The following CMIP variants were observed in gnomAD, a reference collection of about 807,000 sequenced individuals.
CMIP encodes the protein c-Maf inducing protein, also known as C-Maf-inducing protein.
CMIP carries 13 observed loss-of-function variants against 97.3 expected under a neutral mutation model. The ratio of observed to expected loss-of-function variants is 0.13; its 90% CI spans 0.09 to 0.21. CMIP has a LOEUF of 0.21. Ranked by LOEUF, CMIP falls within the 10% of genes least tolerant of loss-of-function variation. The pLI, the probability that CMIP is intolerant of heterozygous loss-of-function variation, is 1.00. For synonymous variants in CMIP, 538 were observed against 436.3 expected (o/e 1.23, Z -2.91); for missense variants, 847 against 1,024.9 (o/e 0.83, Z 2.37).
At chr16:81,557,378 G>C (rs2090786129) in intron 1 of CMIP, among the ~76,000 whole-genome samples, 1 of 152,024 alleles carries the variant, frequency 6.6e-6, no homozygotes, top group African/African-American at 2.4e-5. Context: ...CATGTTGGTT[G>C]AATTCACTTA....
intron 1 of CMIP, chr16:81,464,725 T>TC (rs1907098416): frequency 6.6e-6 from 1 of 152,272 alleles, no homozygotes; most frequent in African/African-American, 2.4e-5. Context: ...TCTCTCCTCG[T>TC]CCCAGCCCCT....
intron 14 of CMIP, 141 bp downstream of exon 14, chr16:81,696,808 GTGGTGGTGGTGGTGA>G: frequency 1.5e-6 from 1 of 679,780 alleles, no homozygotes; most frequent in Non-Finnish European, 2.4e-6. Context: ...GAAGGTGGTG[GTGGTGGTGGTGGTGA>G]TGGTGACCGT....
chr16:81,452,792 G>A (rs1390809593), intron 1 of CMIP, among the ~76,000 whole-genome samples: 2 of 151,706 alleles, frequency 1.3e-5, no homozygotes, highest in South Asian at 2.1e-4. Context: ...TAGAATGTGC[G>A]AGGTGATGGA....
intron 1 of CMIP, among the ~76,000 whole-genome samples, chr16:81,604,728 T>G (rs2091714443): frequency 6.6e-6 from 1 of 152,068 alleles, no homozygotes; most frequent in African/African-American, 2.4e-5. Flanking sequence ...AAACAGTATG[T>G]ATTTATTTAT....
intron 1 of CMIP, among the ~76,000 whole-genome samples, chr16:81,582,444 T>A (rs2091311570): frequency 6.6e-6 from 1 of 152,114 alleles, no homozygotes; most frequent in African/African-American, 2.4e-5. Flanking sequence ...CTCAAAGGCC[T>A]CCCCTAAAGG....
At chr16:81,682,924 G>C (rs867611781) in intron 10 of CMIP, among the ~76,000 whole-genome samples, 48 of 152,380 alleles carry the variant, frequency 3.2e-4, no homozygotes, top group African/African-American at 1.1e-3. Context: ...AGGCGCAGGA[G>C]GGGTGAGGTG....
intron 1 of CMIP, among the ~76,000 whole-genome samples, chr16:81,540,679 TGTG>T (rs1180118965): frequency 6.9e-6 from 1 of 145,212 alleles, no homozygotes; most frequent in African/African-American, 2.5e-5. Flanking sequence ...TGTGTGTGTG[TGTG>T]TGTTTGTTTT....
intron 1 of CMIP, chr16:81,520,147 A>T (rs1395151554): frequency 1.3e-5 from 2 of 152,262 alleles, no homozygotes; most frequent in Non-Finnish European, 2.9e-5. Flanking sequence ...CTGCCCAGGT[A>T]GTCAAGAAGC....
chr16:81,477,523 C>T (rs1197460116), intron 1 of CMIP, among the ~76,000 whole-genome samples: 5 of 152,238 alleles, frequency 3.3e-5, no homozygotes, highest in Non-Finnish European at 4.4e-5. Flanking sequence ...CCCTCCTTTC[C>T]CACTGAAGGC....
intron 10 of CMIP, among the ~76,000 whole-genome samples, chr16:81,691,435 G>T (rs1906059163): frequency 1.3e-5 from 2 of 152,186 alleles, no homozygotes; most frequent in East Asian, 1.9e-4. Context: ...TATGAATGGG[G>T]GGCAAAGTTC....
chr16:81,690,307 T>G (rs1905911715), intron 10 of CMIP, among the ~76,000 whole-genome samples: 1 of 152,274 alleles, frequency 6.6e-6, no homozygotes, highest in Non-Finnish European at 1.5e-5. Context: ...TTCTTCCATT[T>G]CTTTGTGTCC....
At chr16:81,605,425 C>T (rs2091726535) in intron 1 of CMIP, among the ~76,000 whole-genome samples, 1 of 152,204 alleles carries the variant, frequency 6.6e-6, no homozygotes, top group African/African-American at 2.4e-5. Context: ...CAGCAGCCTG[C>T]AGGCTGTCCC....
chr16:81,670,370 C>T lies in CMIP; in HGVS notation c.929+125C>T, dbSNP rs113029756. On this transcript the variant is annotated intron_variant, in intron 8 of 20. Transcript: ENST00000537098. ...GAAGACTCCCTCTATGAGGAAGCCCCTAGCCTACTGCACGGTGCCCGATAG... is the reference window on the plus strand; with the variant it reads ...GAAGACTCCCTCTATGAGGAAGCCCTTAGCCTACTGCACGGTGCCCGATAG... The T allele has an allele frequency of 3.0e-5, 30 of 1,007,298 alleles. No homozygotes were observed. In the African/African-American group the frequency reaches 4.0e-4, roughly 13 times the overall value. 62.4% of individuals were successfully genotyped at this position (1,007,298 alleles called of 1,614,324 possible). A position where few individuals can be genotyped will look rare whatever the true frequency, so the allele number is the denominator to read the frequency against.
chr16:81,575,588 C>T (rs1280084735), intron 1 of CMIP, among the ~76,000 whole-genome samples: 1 of 152,266 alleles, frequency 6.6e-6, no homozygotes, highest in East Asian at 1.9e-4. Flanking sequence ...GAGCCAACAC[C>T]CCCAGGACAA....
At chr16:81,525,994 GTGTGTGTGTGTGTC>G (rs989936784) in intron 1 of CMIP, among the ~76,000 whole-genome samples, 3 of 46,270 alleles carry the variant, frequency 6.5e-5, no homozygotes, top group South Asian at 1.9e-3. Flanking sequence ...GTGTGTGTGT[GTGTGTGTGTGTGTC>G]TGTGTGTGTG....
chr16:81,449,138 C>T (rs891321537), intron 1 of CMIP, among the ~76,000 whole-genome samples: 2 of 152,202 alleles, frequency 1.3e-5, no homozygotes, highest in African/African-American at 4.8e-5. Flanking sequence ...AGCTGCCTAC[C>T]TTTTATTTCA....
intron 10 of CMIP, among the ~76,000 whole-genome samples, chr16:81,688,250 C>T (rs1266015004): frequency 6.6e-6 from 1 of 152,206 alleles, no homozygotes. Flanking sequence ...TGTCTCTGCA[C>T]ACAGGAAGGA....
At chr16:81,460,613 A>G (rs1440396682) in intron 1 of CMIP, among the ~76,000 whole-genome samples, 1 of 152,108 alleles carries the variant, frequency 6.6e-6, no homozygotes, top group African/African-American at 2.4e-5. Flanking sequence ...CCCATGCCTT[A>G]ATATATTGTC....
chr16:81,638,793 C>G (rs2092268459), intron 3 of CMIP, among the ~76,000 whole-genome samples: 2 of 152,230 alleles, frequency 1.3e-5, no homozygotes, highest in African/African-American at 4.8e-5. Flanking sequence ...AGCCTCTGGT[C>G]AGCCTGAGAG....
Sources: gnomAD v4.1 joint callset for allele counts (sites outside exome capture counted in the v4.1 genomes callset) on GRCh38, gnomAD v4.1.1 for gene constraint, MANE v1.5 for transcripts, NCBI Gene and HGNC (gene_info 2026-07-23, HGNC 2026-07-21) for gene names.